Variants in AIG1 observed in about 807,000 individuals in gnomAD.
AIG1 encodes the protein androgen-induced gene 1 protein.
In AIG1, 23 loss-of-function variants were observed where a neutral mutation model predicts 31.4. That is an observed-to-expected ratio of 0.73 (90% CI 0.53 to 1.04). The LOEUF (loss-of-function observed/expected upper bound fraction) is 1.04. Ranked by LOEUF, AIG1 falls within the 50% of genes least tolerant of loss-of-function variation. The pLI is 0.00. For synonymous variants in AIG1, 100 were observed against 110.5 expected (o/e 0.90, Z 0.60); for missense variants, 274 against 295.0 (o/e 0.93, Z 0.52).
chr6:143,227,350 G>A (rs1793063062), intron 3 of AIG1, among the ~76,000 whole-genome samples: 1 of 152,078 alleles, frequency 6.6e-6, no homozygotes, highest in African/African-American at 2.4e-5. Context: ...TGGTGGAGAG[G>A]AGCCATTACA....
intron 4 of AIG1, among the ~76,000 whole-genome samples, chr6:143,294,019 T>G (rs1798242962): frequency 6.6e-6 from 1 of 152,038 alleles, no homozygotes; most frequent in African/African-American, 2.4e-5. Context: ...ACTCCTTCGA[T>G]CTCCCCCTAC....
intron 5 of AIG1, chr6:143,335,616 G>A (rs1457271933): frequency 6.6e-6 from 1 of 151,650 alleles, no homozygotes; most frequent in Non-Finnish European, 1.5e-5. Flanking sequence ...CTGGAACACA[G>A]AGCCCACTGT....
intron 1 of AIG1, 54 bp downstream of exon 1, chr6:143,061,120 GTGT>G: frequency 1.1e-6 from 1 of 938,626 alleles, no homozygotes; most frequent in Non-Finnish European, 1.4e-6. Context: ...GTGTGTGCGT[GTGT>G]GTGTGTGTGT....
chr6:143,216,801 G>T (rs1382493512), intron 3 of AIG1, among the ~76,000 whole-genome samples: 1 of 152,200 alleles, frequency 6.6e-6, no homozygotes, highest in Non-Finnish European at 1.5e-5. Context: ...GTCTTCCCCA[G>T]CTGCGTGAGG....
intron 4 of AIG1, among the ~76,000 whole-genome samples, chr6:143,300,745 T>A (rs778137228): frequency 6.6e-6 from 1 of 152,174 alleles, no homozygotes; most frequent in East Asian, 1.9e-4. Flanking sequence ...ACCAAATAAA[T>A]TCTTTAAAAT....
chr6:143,236,215 G>A (rs776912263), intron 3 of AIG1, among the ~76,000 whole-genome samples: 4 of 152,216 alleles, frequency 2.6e-5, no homozygotes, highest in Non-Finnish European at 5.9e-5. Flanking sequence ...GAGCGCATAC[G>A]GCTGGTGTCC....
chr6:143,115,609 T>C (rs1781665876), intron 1 of AIG1, among the ~76,000 whole-genome samples: 1 of 152,172 alleles, frequency 6.6e-6, no homozygotes, highest in Non-Finnish European at 1.5e-5. Context: ...CCTCTCATAG[T>C]TACAGACTCA....
intron 4 of AIG1, among the ~76,000 whole-genome samples, chr6:143,302,178 CTTTTA>C (rs1484320846): frequency 6.7e-6 from 1 of 149,274 alleles, no homozygotes; most frequent in Admixed American, 6.7e-5. Context: ...GAAACTAACA[CTTTTA>C]TTTTTTTATT....
intron 1 of AIG1, among the ~76,000 whole-genome samples, chr6:143,115,482 C>T (rs1781657226): frequency 6.6e-6 from 1 of 152,076 alleles, no homozygotes; most frequent in African/African-American, 2.4e-5. Flanking sequence ...CCTATAATTT[C>T]TCATATTTAA....
chr6:143,164,900 T>C, intron 2 of AIG1, 182 bp from the exon 3 acceptor site: 1 of 507,392 alleles, frequency 2.0e-6, no homozygotes, highest in South Asian at 2.6e-5. Flanking sequence ...AGGAGGCACC[T>C]TACCTTTTAC....
chr6:143,264,997 T>C (rs184573376), intron 3 of AIG1, among the ~76,000 whole-genome samples: 4 of 152,308 alleles, frequency 2.6e-5, no homozygotes, highest in Admixed American at 1.3e-4. Flanking sequence ...AATTATATTA[T>C]AAAATAAGCT....
intron 1 of AIG1, among the ~76,000 whole-genome samples, chr6:143,122,453 C>A (rs1434617668): frequency 1.3e-5 from 2 of 152,086 alleles, no homozygotes; most frequent in Non-Finnish European, 2.9e-5. Flanking sequence ...TGTAACTCAA[C>A]AGAAAAAATG....
At chr6:143,303,307 A>G (rs1479427385) in intron 4 of AIG1, among the ~76,000 whole-genome samples, 3 of 151,604 alleles carry the variant, frequency 2.0e-5, no homozygotes, top group Non-Finnish European at 4.4e-5. Flanking sequence ...GCCCATGCCT[A>G]TGTCCTGAAT....
chr6:143,158,249 C>T (rs117248608), intron 2 of AIG1, among the ~76,000 whole-genome samples: 2 of 152,296 alleles, frequency 1.3e-5, no homozygotes, highest in South Asian at 2.1e-4. Flanking sequence ...CCTGTTTCCA[C>T]GTTTAGCATC....
At chr6:143,274,616 C>T (rs993857277) in intron 3 of AIG1, among the ~76,000 whole-genome samples, 5 of 152,144 alleles carry the variant, frequency 3.3e-5, no homozygotes, top group African/African-American at 9.7e-5. Context: ...TTTCCCAGAA[C>T]AGCAGTCCGT....
chr6:143,185,720 C>T (rs1789197616), intron 3 of AIG1, among the ~76,000 whole-genome samples: 1 of 151,994 alleles, frequency 6.6e-6, no homozygotes, highest in African/African-American at 2.4e-5. Flanking sequence ...CTGCATATTC[C>T]ATTATCTGGC....
At chr6:143,118,461 A>G (rs1781932816) in intron 1 of AIG1, among the ~76,000 whole-genome samples, 1 of 152,102 alleles carries the variant, frequency 6.6e-6, no homozygotes, top group African/African-American at 2.4e-5. Flanking sequence ...CCGTCTCAAA[A>G]AAAAAAAAAA....
At chr6:143,062,131 A>G (rs1776312719) in intron 1 of AIG1, among the ~76,000 whole-genome samples, 1 of 152,222 alleles carries the variant, frequency 6.6e-6, no homozygotes, top group Non-Finnish European at 1.5e-5. Context: ...TACCTGTTTT[A>G]AAAATTTCCA....
intron 2 of AIG1, among the ~76,000 whole-genome samples, chr6:143,151,105 C>T (rs989261424): frequency 2.6e-5 from 4 of 151,968 alleles, no homozygotes; most frequent in Admixed American, 6.6e-5. Flanking sequence ...TTGCTAACTC[C>T]TCCCACTTTA....
Sources: allele counts gnomAD v4.1 joint callset (sites outside exome capture counted in the v4.1 genomes callset), GRCh38; gene constraint gnomAD v4.1.1; transcripts MANE v1.5; gene names NCBI Gene and HGNC (gene_info 2026-07-23, HGNC 2026-07-21).